GYPC: variants seen among roughly 807,000 people sequenced by gnomAD.
GYPC encodes glycophorin-C.
A neutral mutation model predicts 12.6 loss-of-function variants in GYPC; 14 were observed. The ratio of observed to expected loss-of-function variants is 1.11; its 90% CI spans 0.74 to 1.74. The LOEUF (loss-of-function observed/expected upper bound fraction) is 1.74, where lower values mean the gene tolerates loss of function less well. Ranked by LOEUF, GYPC falls within the 40% of genes most tolerant of loss-of-function variation. The probability of loss-of-function intolerance (pLI) is 0.00; values close to 1 mark genes in which losing one functional copy is unlikely to be tolerated. For missense variants in GYPC, 225 were observed against 172.1 expected (o/e 1.31, Z -1.72); for synonymous variants, 78 against 62.1 (o/e 1.26, Z -1.20).
chr2:126,665,525 G>C (rs1682654446), intron 1 of GYPC, among the ~76,000 whole-genome samples: 1 of 152,212 alleles, frequency 6.6e-6, no homozygotes, highest in African/African-American at 2.4e-5. Context: ...CCCAGTGGCA[G>C]CTCGAAGGGA....
chr2:126,696,569 G>A lies in GYPC; in HGVS notation c.*427G>A, dbSNP rs1377416596. On this transcript the variant is annotated 3_prime_UTR_variant, in exon 4 of 4. Transcript: ENST00000259254. ...ATAATGGCATCAAATGTCAGTCCTT[G>A]ACATTTGGGGGGAACAGCAGGTGCC... is the stretch of plus-strand genomic sequence containing the variant. The A allele has an allele frequency of 3.6e-6, 1 of 277,194 alleles. No individual in the cohort carries two copies. The highest frequency in any genetic ancestry group is 2.2e-5 in the African/African-American group (1 of 45,664). The allele number at this position is 277,194 out of a possible 1,614,324, so 17.2% of individuals were successfully genotyped here. A position where few individuals can be genotyped will look rare whatever the true frequency, so the allele number is the denominator to read the frequency against.
At chr2:126,671,624 C>G (rs7592423) in intron 1 of GYPC, among the ~76,000 whole-genome samples, 24,361 of 152,290 alleles carry the variant, frequency 0.16, 2,506 homozygotes, top group East Asian at 0.41. Context: ...GGAGTCCACA[C>G]TTCTGCTGAC....
chr2:126,693,494 C>T (rs1239942503), intron 2 of GYPC, among the ~76,000 whole-genome samples: 1 of 152,206 alleles, frequency 6.6e-6, no homozygotes, highest in Non-Finnish European at 1.5e-5. Context: ...GAGCATCAGA[C>T]ACTCCACAAA....
At chr2:126,694,050 G>C in intron 3 of GYPC, 103 bp downstream of exon 3, 1 of 820,320 alleles carries the variant, frequency 1.2e-6, no homozygotes, top group East Asian at 2.5e-5. Context: ...GGTGGCTGTG[G>C]CCATTTTTTC....
intron 1 of GYPC, among the ~76,000 whole-genome samples, chr2:126,667,603 A>C (rs867666261): frequency 6.6e-6 from 1 of 151,540 alleles, no homozygotes; most frequent in South Asian, 2.1e-4. Context: ...GGGTTTCTCC[A>C]TGTTGGTCAG....
At chr2:126,692,960 A>T (rs1054959470) in intron 2 of GYPC, among the ~76,000 whole-genome samples, 1 of 152,194 alleles carries the variant, frequency 6.6e-6, no homozygotes, top group Non-Finnish European at 1.5e-5. Context: ...ATGGGCCATT[A>T]ACACCAGGCA....
At chr2:126,685,483 C>T (rs190032563) in intron 1 of GYPC, among the ~76,000 whole-genome samples, 135 of 152,120 alleles carry the variant, frequency 8.9e-4, no homozygotes, top group African/African-American at 3.0e-3. Context: ...CTCCCAGGTT[C>T]AAGTGATTCT....
At chr2:126,662,313 T>G (rs2104770246) in intron 1 of GYPC, among the ~76,000 whole-genome samples, 1 of 152,346 alleles carries the variant, frequency 6.6e-6, no homozygotes, top group East Asian at 1.9e-4. Context: ...CCACTTTCGC[T>G]TGAGAAACTC....
At chr2:126,695,514 A>G (rs2104812408) in intron 3 of GYPC, among the ~76,000 whole-genome samples, 1 of 152,334 alleles carries the variant, frequency 6.6e-6, no homozygotes, top group South Asian at 2.1e-4. Context: ...ACACGGTTCA[A>G]CTTATGAGTT....
At chr2:126,663,950 G>GTCTCTCTCTCTCTCTC (rs61649506) in intron 1 of GYPC, among the ~76,000 whole-genome samples, 12 of 129,932 alleles carry the variant, frequency 9.2e-5, no homozygotes, top group African/African-American at 3.4e-4. Flanking sequence ...TAAGGTTCTG[G>GTCTCTCTCTCTCTCTC]TCTCTCTCTC....
At chr2:126,663,962 CTCTCT>C (rs1558879093) in intron 1 of GYPC, among the ~76,000 whole-genome samples, 2 of 41,324 alleles carry the variant, frequency 4.8e-5, no homozygotes, top group Non-Finnish European at 1.0e-4. Flanking sequence ...CTCTCTCTCT[CTCTCT>C]CTCTCTCTCT....
intron 1 of GYPC, among the ~76,000 whole-genome samples, chr2:126,681,701 T>G (rs1332426090): frequency 6.7e-6 from 1 of 148,318 alleles, no homozygotes; most frequent in African/African-American, 2.5e-5. Flanking sequence ...GTTTTACATG[T>G]GAAGAAACCA....
In GYPC at chr2:126,696,542, G is replaced by A. The variant is rs1683653693; in HGVS notation, c.*400G>A. ...AATAAGTCATCTGTATGCTGACTGG[G>A]GATAATGGCATCAAATGTCAGTCCT... is the stretch of plus-strand genomic sequence containing the variant. On this transcript the variant is annotated 3_prime_UTR_variant, in exon 4 of 4. Transcript: ENST00000259254. 2 of 305,748 alleles carry A rather than the reference G, an allele frequency of 6.5e-6. No individual in the cohort carries two copies. Among genetic ancestry groups the A allele is most frequent in the Non-Finnish European group, 1.3e-5 (2 of 155,986 alleles). 18.9% of individuals were successfully genotyped at this position (305,748 alleles called of 1,614,324 possible). A position where few individuals can be genotyped will look rare whatever the true frequency, so the allele number is the denominator to read the frequency against.
intron 1 of GYPC, among the ~76,000 whole-genome samples, chr2:126,662,095 C>T (rs1368440424): frequency 6.6e-6 from 1 of 152,228 alleles, no homozygotes; most frequent in Non-Finnish European, 1.5e-5. Flanking sequence ...CCAGCACTGC[C>T]ACTCTTCCTC....
At chr2:126,664,453 C>G (rs1682625721) in intron 1 of GYPC, among the ~76,000 whole-genome samples, 1 of 152,192 alleles carries the variant, frequency 6.6e-6, no homozygotes, top group African/African-American at 2.4e-5. Flanking sequence ...TCTTCCCCCT[C>G]TACATTGAAA....
chr2:126,669,936 T>C (rs1682797441), intron 1 of GYPC, among the ~76,000 whole-genome samples: 1 of 152,172 alleles, frequency 6.6e-6, no homozygotes, highest in South Asian at 2.1e-4. Context: ...CACAATTATC[T>C]GAGTTTCTGG....
chr2:126,670,556 C>T (rs1475240191), intron 1 of GYPC, among the ~76,000 whole-genome samples: 3 of 152,204 alleles, frequency 2.0e-5, no homozygotes, highest in African/African-American at 7.2e-5. Flanking sequence ...TGTGCCTGCG[C>T]TCTGACAAGA....
chr2:126,672,799 G>A (rs1025827495), intron 1 of GYPC, among the ~76,000 whole-genome samples: 20 of 152,204 alleles, frequency 1.3e-4, no homozygotes, highest in African/African-American at 3.9e-4. Flanking sequence ...CCTAACCTGG[G>A]GGAGGAAGGC....
intron 1 of GYPC, among the ~76,000 whole-genome samples, chr2:126,668,437 C>T (rs1035318762): frequency 6.6e-6 from 1 of 152,184 alleles, no homozygotes; most frequent in Non-Finnish European, 1.5e-5. Flanking sequence ...AGGGAGGACA[C>T]TTTGAGGCCT....
Sources: allele counts gnomAD v4.1 joint callset (sites outside exome capture counted in the v4.1 genomes callset), GRCh38; gene constraint gnomAD v4.1.1; transcripts MANE v1.5; gene names NCBI Gene and HGNC (gene_info 2026-07-23, HGNC 2026-07-21).